The following TSSK1B variants were observed in gnomAD, a reference collection of about 807,000 sequenced individuals.
TSSK1B encodes the protein testis specific serine kinase 1B.
Under a neutral mutation model 4.0 loss-of-function variants are expected in TSSK1B, and 2 were observed. The ratio of observed to expected loss-of-function variants is 0.50; its 90% CI spans 0.20 to 1.57. TSSK1B has a LOEUF of 1.57. TSSK1B is among the 40% of genes most tolerant of loss of function. The pLI, the probability that TSSK1B is intolerant of heterozygous loss-of-function variation, is 0.22. For missense variants in TSSK1B, 488 were observed against 495.1 expected, an observed-to-expected ratio of 0.99 and a Z score of 0.14; for synonymous variants, 198 against 200.7, an observed-to-expected ratio of 0.99 and a Z score of 0.11.
In TSSK1B at chr5:113,432,977, A is replaced by G. The variant is rs1281422331; in HGVS notation, c.*759T>C. The stretch of plus-strand genomic sequence containing the variant: ...GAAAAATCAAAACTGAATAAACTTG[A>G]TGTTAAATCAGCTTCTATTTCTTCT... On this transcript the variant is annotated 3_prime_UTR_variant, in exon 1 of 1. Coordinates refer to ENST00000390666, the MANE Select transcript of TSSK1B (RefSeq NM_032028.4). 4 of 152,194 alleles carry G rather than the reference A, an allele frequency of 2.6e-5. No homozygotes were observed. The highest frequency in any genetic ancestry group is 5.9e-5 in the Non-Finnish European group (4 of 68,038). 9.4% of individuals were successfully genotyped at this position (152,194 alleles called of 1,614,324 possible). A position where few individuals can be genotyped will look rare whatever the true frequency, so the allele number is the denominator to read the frequency against.
rs1554083427 is a variant in TSSK1B at position 113,434,408 on chromosome 5, A to T, written c.432T>A (p.Leu144=). 1.2e-6 allele frequency: 2 copies of T among 1,613,876 alleles called. No individual in the cohort carries two copies. Among genetic ancestry groups the T allele is most frequent in the Non-Finnish European group, 1.7e-6 (2 of 1,180,008 alleles). ...ACAGCTTGATGTTGAAGTCCTTGTC[A>T]AGGAGAAGGTTGTCACACTTGAGGT... The part of the protein sequence containing the change: ...HRDLKCDNLL[L]DKDFNIKLSD... Residue 144 remains leucine, a synonymous_variant, in exon 1 of 1, where the codon CTT becomes CTA. Transcript: ENST00000390666. This position sits in a 1 kb window ranked among gnomAD's most constrained non-coding sequence, Gnocchi z 4.2.
chr5:113,434,492 C>A lies in TSSK1B; in HGVS notation c.348G>T (p.Lys116Asn). 2 of 1,613,206 alleles carry A rather than the reference C, an allele frequency of 1.2e-6. No homozygotes were observed. Among genetic ancestry groups the A allele is most frequent in the South Asian group, 2.2e-5 (2 of 91,026 alleles). Residue 116 changes from lysine to asparagine, a missense_variant, in exon 1 of 1, where the codon AAG (lysine) becomes AAT (asparagine). Coordinates refer to ENST00000390666, the MANE Select transcript of TSSK1B (RefSeq NM_032028.4). This position sits in a 1 kb window ranked among gnomAD's most constrained non-coding sequence, Gnocchi z 4.2. Reference sequence around the variant, plus strand: ...TGATGGCCAAGGAAAGCTGGTGGAACTTCTTGCGAGCTTCGTCCTCATGCA... The same window carrying A: ...TGATGGCCAAGGAAAGCTGGTGGAAATTCTTGCGAGCTTCGTCCTCATGCA... ...GALHEDEARKKFHQLSLAIKY... is the reference protein window; with the variant it reads ...GALHEDEARKNFHQLSLAIKY...
chr5:113,433,702 T>C lies in TSSK1B; in HGVS notation c.*34A>G, dbSNP rs1770741430. 2 of 1,585,092 alleles carry C rather than the reference T, an allele frequency of 1.3e-6. No individual in the cohort carries two copies. The highest frequency in any genetic ancestry group is 1.3e-5 in the African/African-American group (1 of 74,432). ...TCTTCAGAGCTTGGGCTTTAAGCCG[T>C]GAGCTCCATCTCATTCCCTGGGCCG... is the stretch of plus-strand genomic sequence containing the variant. On this transcript the variant is annotated 3_prime_UTR_variant, in exon 1 of 1. Transcript: ENST00000390666.
At position 113,434,462 on chromosome 5, in the gene TSSK1B, G is replaced by A. The variant is rs1770783079; in HGVS notation, c.378C>T (p.Tyr126=). 1.2e-6 allele frequency: 2 copies of A among 1,613,794 alleles called. No individual in the cohort carries two copies. The highest frequency in any genetic ancestry group is 1.7e-5 in the Admixed American group (1 of 60,000). The change falls in exon 1 of 1, where the codon TAC becomes TAT. Residue 126 remains tyrosine (Y), a synonymous_variant. Transcript: ENST00000390666. This position sits in a 1 kb window ranked among gnomAD's most constrained non-coding sequence, Gnocchi z 4.2. ...GGTGGACGACGTCCAGGTCGTGGCA[G>A]TACTTGATGGCCAAGGAAAGCTGGT... The part of the protein sequence containing the change: ...KFHQLSLAIK[Y]CHDLDVVHRD...
Position 113,432,711 on chromosome 5 carries a change from C to G in TSSK1B, c.*1025G>C, listed in dbSNP as rs895993146. On this transcript the variant is annotated 3_prime_UTR_variant, in exon 1 of 1. Transcript: ENST00000390666. ...ACATTGTTTCCAGTATTAGCTGATT[C>G]GTTTGTCCATTAATTGGATATTAGC... 7 of 152,046 alleles carry G rather than the reference C, an allele frequency of 4.6e-5. No homozygotes were observed. The East Asian group carries it at 1.2e-3, about 25-fold the overall frequency. 9.4% of individuals were successfully genotyped at this position (152,046 alleles called of 1,614,324 possible).
rs1180580073 is a variant in TSSK1B at position 113,434,582 on chromosome 5, G to A, written c.258C>T (p.Val86=). 1.9e-6 allele frequency: 3 copies of A among 1,613,776 alleles called. No homozygotes were observed. Among genetic ancestry groups the A allele is most frequent in the African/African-American group, 2.7e-5 (2 of 74,904 alleles). Residue 86 remains valine (V), a synonymous_variant, in exon 1 of 1, where the codon GTC becomes GTT. Transcript: ENST00000390666. The surrounding 1 kb of genome is among the most constrained non-coding windows in gnomAD (Gnocchi z 4.2). ...YEIFETSHGK[V]YIVMELAVQG... ...GGACCGCGAGCTCCATGACGATGTA[G>A]ACCTTGCCATGTGATGTCTCAAAGA...
chr5:113,433,610 G>T lies in TSSK1B; in HGVS notation c.*126C>A. 1 of 1,224,878 alleles carries T rather than the reference G, an allele frequency of 8.2e-7. No homozygotes were observed. The highest frequency in any genetic ancestry group is 1.6e-5 in the South Asian group (1 of 63,248). The allele number at this position is 1,224,878 out of a possible 1,614,324, so 75.9% of individuals were successfully genotyped here. On this transcript the variant is annotated 3_prime_UTR_variant, in exon 1 of 1. Coordinates refer to ENST00000390666, the MANE Select transcript of TSSK1B (RefSeq NM_032028.4). ...GTGGGTTACCAAGTTCAAGGGGAGA[G>T]AGAAGAAGCTGATGAAAATAGAGGC...
Position 113,433,956 on chromosome 5 carries a change from T to C in TSSK1B, c.884A>G (p.Glu295Gly). ...NKEGESSRGT[E>G]PLWTPEPGSD... ...GCCAGGTTCGGGGGTCCACAAGGGT[T>C]CAGTTCCCCGGGAACTCTCCCCCTC... The change falls in exon 1 of 1, where the codon GAA becomes GGA. Residue 295 changes from glutamate (E) to glycine (G), a missense_variant. Coordinates refer to ENST00000390666, the MANE Select transcript of TSSK1B (RefSeq NM_032028.4). 1 of 1,613,978 alleles carries C rather than the reference T, an allele frequency of 6.2e-7. No homozygotes were observed. The highest frequency in any genetic ancestry group is 8.5e-7 in the Non-Finnish European group (1 of 1,179,870).
rs759867210 is a variant in TSSK1B, at chr5:113,434,702, C to A, written c.138G>T (p.Lys46Asn). 6.2e-7 allele frequency: 1 copy of A among 1,614,070 alleles called. No homozygotes were observed. Among genetic ancestry groups the A allele is most frequent in the Non-Finnish European group, 8.5e-7 (1 of 1,179,940 alleles). Residue 46 changes from lysine (K) to asparagine (N), a missense_variant, in exon 1 of 1, where the codon AAG becomes AAT. Lys to Asn is a moderately conservative substitution (Grantham distance 94, BLOSUM62 0). Transcript: ENST00000390666. This position sits in a 1 kb window ranked among gnomAD's most constrained non-coding sequence, Gnocchi z 4.2. ...TCTCCAAGAAGTCTGCGGGGGCCTT[C>A]TTGCGGTCGATGATCTTGATCGCCA... ...FNVAIKIIDR[K>N]KAPADFLEKF...
At position 113,433,751 on chromosome 5, in the gene TSSK1B, C is replaced by A. The variant is rs866652443; in HGVS notation, c.1089G>T (p.Glu363Asp). The change falls in exon 1 of 1, where the codon GAG (glutamate) becomes GAT (aspartate). Residue 363 changes from glutamate to aspartate, a missense_variant. By Grantham distance (45) the Glu-to-Asp change is conservative (BLOSUM62 2). Coordinates refer to ENST00000390666, the MANE Select transcript of TSSK1B (RefSeq NM_032028.4). The part of the protein sequence containing the change: ...TEEGPPQQPP[E>D]TRAQ ...CGCAAGAAGCTCACTGGGCCCGCGT[C>A]TCTGGAGGCTGTTGGGGGGGCCCTT... The A allele has an allele frequency of 1.9e-6, 3 of 1,613,080 alleles. No homozygotes were observed. The African/African-American group carries it at 4.0e-5, about 22-fold the overall frequency.
rs771385288 is a variant in TSSK1B, at chr5:113,433,824, G to A, written c.1016C>T (p.Ser339Leu). ...EGTAMQMSRQ[S>L]EILGFPSKPS... ...CTTGCTGGGGAAACCCAGGATCTCC[G>A]ACTGCCTGGACATTTGCATTGCTGT... Residue 339 changes from serine to leucine, a missense_variant, in exon 1 of 1, where the codon TCG (serine) becomes TTG (leucine). Transcript: ENST00000390666. The A allele has an allele frequency of 2.6e-5, 42 of 1,613,848 alleles. No homozygotes were observed. The African/African-American group carries it at 3.7e-4, about 14-fold the overall frequency.
In TSSK1B at chr5:113,434,619, T is replaced by A; in HGVS notation, c.221A>T (p.Lys74Met). ...TGATGTCTCAAAGATCTCGTAGGTCTTAATGATGGAGCAGTGGTTTAACAT... is the reference window on the plus strand; with the variant it reads ...TGATGTCTCAAAGATCTCGTAGGTCATAATGATGGAGCAGTGGTTTAACAT... ...LAMLNHCSII[K>M]TYEIFETSHG... The change falls in exon 1 of 1, where the codon AAG becomes ATG. Residue 74 changes from lysine (K) to methionine (M), a missense_variant. By Grantham distance (95) the Lys-to-Met change is moderately conservative. Transcript: ENST00000390666. The surrounding 1 kb of genome is among the most constrained non-coding windows in gnomAD (Gnocchi z 4.2). The A allele has an allele frequency of 6.2e-7, 1 of 1,613,940 alleles. No individual in the cohort carries two copies.
chr5:113,433,604 G>C lies in TSSK1B; in HGVS notation c.*132C>G. ...AACCATGTGGGTTACCAAGTTCAAG[G>C]GGAGAGAGAAGAAGCTGATGAAAAT... On this transcript the variant is annotated 3_prime_UTR_variant, in exon 1 of 1. Coordinates refer to ENST00000390666, the MANE Select transcript of TSSK1B (RefSeq NM_032028.4). The C allele has an allele frequency of 8.5e-7, 1 of 1,182,014 alleles. No homozygotes were observed. 73.2% of individuals were successfully genotyped at this position (1,182,014 alleles called of 1,614,324 possible).
rs774167263 is a variant in TSSK1B at position 113,433,921 on chromosome 5, T to G, written c.919A>C (p.Lys307Gln). 6.2e-7 allele frequency: 1 copy of G among 1,614,016 alleles called. No individual in the cohort carries two copies. Among genetic ancestry groups the G allele is most frequent in the South Asian group, 1.1e-5 (1 of 91,072 alleles). ...LWTPEPGSDKKSATKLEPEGE... is the reference protein window; with the variant it reads ...LWTPEPGSDKQSATKLEPEGE... ...TCAGGCTCCAGCTTGGTGGCAGACT[T>G]CTTGTCAGAGCCAGGTTCGGGGGTC... The change falls in exon 1 of 1, where the codon AAG (lysine) becomes CAG (glutamine). Residue 307 changes from lysine (K) to glutamine (Q), a missense_variant. By Grantham distance (53) the Lys-to-Gln change is moderately conservative. Coordinates refer to ENST00000390666, the MANE Select transcript of TSSK1B (RefSeq NM_032028.4).
In TSSK1B at chr5:113,434,697, G is replaced by A. The variant is rs1428163183; in HGVS notation, c.143C>T (p.Ala48Val). The change falls in exon 1 of 1, where the codon GCC becomes GTC. Residue 48 changes from alanine (A) to valine (V), a missense_variant. Physicochemically the swap from Ala to Val is moderately conservative, Grantham distance 64. Coordinates refer to ENST00000390666, the MANE Select transcript of TSSK1B (RefSeq NM_032028.4). This position sits in a 1 kb window ranked among gnomAD's most constrained non-coding sequence, Gnocchi z 4.2. ...GAATTTCTCCAAGAAGTCTGCGGGGGCCTTCTTGCGGTCGATGATCTTGAT... is the reference window on the plus strand; with the variant it reads ...GAATTTCTCCAAGAAGTCTGCGGGGACCTTCTTGCGGTCGATGATCTTGAT... ...VAIKIIDRKK[A>V]PADFLEKFLP... The A allele has an allele frequency of 1.9e-6, 3 of 1,614,018 alleles. No individual in the cohort carries two copies. Among genetic ancestry groups the A allele is most frequent in the Non-Finnish European group, 2.5e-6 (3 of 1,179,922 alleles).
Position 113,434,890 on chromosome 5 carries a change from C to G in TSSK1B, c.-51G>C, listed in dbSNP as rs1361793470. ...GAGGCTGCCCTCTACAGCCCCGAGGCGCATGGGCCAGCAGTGTGCTCATTT... is the reference window on the plus strand; with the variant it reads ...GAGGCTGCCCTCTACAGCCCCGAGGGGCATGGGCCAGCAGTGTGCTCATTT... On this transcript the variant is annotated 5_prime_UTR_variant, in exon 1 of 1. Coordinates refer to ENST00000390666, the MANE Select transcript of TSSK1B (RefSeq NM_032028.4). This position sits in a 1 kb window ranked among gnomAD's most constrained non-coding sequence, Gnocchi z 4.2. The G allele has an allele frequency of 6.4e-7, 1 of 1,563,376 alleles. No homozygotes were observed. Among genetic ancestry groups the G allele is most frequent in the Non-Finnish European group, 8.7e-7 (1 of 1,153,546 alleles).
In TSSK1B at chr5:113,433,442, G is replaced by A. The variant is rs1398160472; in HGVS notation, c.*294C>T. The stretch of plus-strand genomic sequence containing the variant: ...GCTCTTGCTGTCACTGAGCCGTTGC[G>A]GCCAGTGGGGACCCTCTGCTGAGAC... On this transcript the variant is annotated 3_prime_UTR_variant, in exon 1 of 1. Transcript: ENST00000390666. 4 of 603,592 alleles carry A rather than the reference G, an allele frequency of 6.6e-6. No individual in the cohort carries two copies. The highest frequency in any genetic ancestry group is 3.7e-5 in the South Asian group (2 of 54,116). The allele number at this position is 603,592 out of a possible 1,614,324, so 37.4% of individuals were successfully genotyped here. A position where few individuals can be genotyped will look rare whatever the true frequency, so the allele number is the denominator to read the frequency against.
Position 113,434,417 on chromosome 5 carries a change from G to T in TSSK1B, c.423C>A (p.Asn141Lys). 1.2e-6 allele frequency: 2 copies of T among 1,613,972 alleles called. No homozygotes were observed. The highest frequency in any genetic ancestry group is 2.7e-5 in the African/African-American group (2 of 75,004). The change falls in exon 1 of 1, where the codon AAC becomes AAA. Residue 141 changes from asparagine (N) to lysine (K), a missense_variant. By Grantham distance (94) the Asn-to-Lys change is moderately conservative. Coordinates refer to ENST00000390666, the MANE Select transcript of TSSK1B (RefSeq NM_032028.4). The surrounding 1 kb of genome is among the most constrained non-coding windows in gnomAD (Gnocchi z 4.2). ...TGTTGAAGTCCTTGTCAAGGAGAAG[G>T]TTGTCACACTTGAGGTCCCGGTGGA... is the stretch of plus-strand genomic sequence containing the variant. ...DVVHRDLKCD[N>K]LLLDKDFNIK...
At position 113,434,919 on chromosome 5, in the gene TSSK1B, T is replaced by C. The variant is rs1770803814; in HGVS notation, c.-80A>G. On this transcript the variant is annotated 5_prime_UTR_variant, in exon 1 of 1. The change abolishes an upstream ATG in the 5' untranslated region. Coordinates refer to ENST00000390666, the MANE Select transcript of TSSK1B (RefSeq NM_032028.4). This position sits in a 1 kb window ranked among gnomAD's most constrained non-coding sequence, Gnocchi z 4.2. ...TGGGCCAGCAGTGTGCTCATTTACA[T>C]CCTGGATAGAGAGTCCTTTGGGCTG... The C allele has an allele frequency of 1.3e-6, 2 of 1,514,142 alleles. No homozygotes were observed. The highest frequency in any genetic ancestry group is 1.8e-6 in the Non-Finnish European group (2 of 1,126,916). 93.8% of individuals were successfully genotyped at this position (1,514,142 alleles called of 1,614,324 possible). A position where few individuals can be genotyped will look rare whatever the true frequency, so the allele number is the denominator to read the frequency against.
Sources: allele counts gnomAD v4.1 joint callset, GRCh38; gene constraint gnomAD v4.1.1; non-coding constraint Gnocchi (gnomAD v3.1); transcripts MANE v1.5; gene names NCBI Gene and HGNC (gene_info 2026-07-23, HGNC 2026-07-21).